Variants in ANK2 observed in about 807,000 individuals in gnomAD.
The protein encoded by ANK2 is ankyrin-2.
ANK2 carries 83 observed loss-of-function variants against 360.5 expected under a neutral mutation model. The observed-to-expected ratio is 0.23, with a 90% CI of 0.19 to 0.28. The LOEUF (loss-of-function observed/expected upper bound fraction) is 0.28. Ranked by LOEUF, ANK2 falls within the 10% of genes least tolerant of loss-of-function variation. ANK2 has a pLI of 1.00. For missense variants in ANK2, 4,201 were observed against 4,795.7 expected (o/e 0.88, Z 3.66); for synonymous variants, 1,740 against 1,759.5 (o/e 0.99, Z 0.28).
intron 4 of ANK2, among the ~76,000 whole-genome samples, chr4:113,208,021 G>A (rs923075634): frequency 6.6e-6 from 1 of 152,176 alleles, no homozygotes; most frequent in Non-Finnish European, 1.5e-5. Context: ...ACATCCAGGG[G>A]AAATGCAGTG....
chr4:112,792,793 T>C, the ANK2 span, among the ~76,000 whole-genome samples: 1 of 152,162 alleles, frequency 6.6e-6, no homozygotes, highest in Non-Finnish European at 1.5e-5. Context: ...TGGAGAAACA[T>C]AGACCCCAAA....
At chr4:112,898,316 G>A (rs1009664084) in intron 1 of ANK2, among the ~76,000 whole-genome samples, 7 of 151,984 alleles carry the variant, frequency 4.6e-5, no homozygotes, top group Non-Finnish European at 7.4e-5. Context: ...TTATATAGTC[G>A]TGTCTTATTA....
chr4:113,012,855 G>A (rs1451597196), intron 2 of ANK2, among the ~76,000 whole-genome samples: 1 of 152,094 alleles, frequency 6.6e-6, no homozygotes, highest in Non-Finnish European at 1.5e-5. Flanking sequence ...TCATGAGCAT[G>A]CTATTCCATT....
intron 1 of ANK2, among the ~76,000 whole-genome samples, chr4:112,865,031 C>CAAAAAA (rs56149739): frequency 1.9e-4 from 10 of 52,506 alleles, no homozygotes; most frequent in Non-Finnish European, 2.7e-4. Flanking sequence ...GACTCCATCT[C>CAAAAAA]AAAAAAAAAA....
intron 1 of ANK2, chr4:113,151,068 T>G (rs908379414): frequency 5.4e-6 from 7 of 1,285,154 alleles, no homozygotes; most frequent in Non-Finnish European, 7.1e-6. Context: ...TATGGGAATT[T>G]TCCCACTACA....
At chr4:113,204,379 C>G (rs2098912543) in intron 4 of ANK2, among the ~76,000 whole-genome samples, 1 of 151,972 alleles carries the variant, frequency 6.6e-6, no homozygotes, top group Admixed American at 6.6e-5. Context: ...GAAAATATGA[C>G]TTTTTTATAG....
chr4:112,740,580 T>C, the ANK2 span, among the ~76,000 whole-genome samples: 11 of 152,072 alleles, frequency 7.2e-5, no homozygotes, highest in Non-Finnish European at 1.5e-4. Context: ...GGCACACGCC[T>C]GTAATCCCAG....
intron 2 of ANK2, among the ~76,000 whole-genome samples, chr4:112,957,089 A>G (rs1561273450): frequency 1.4e-5 from 2 of 146,704 alleles, no homozygotes; most frequent in Non-Finnish European, 3.0e-5. Flanking sequence ...TCATAGGACA[A>G]TAGTGGAGGG....
chr4:112,751,571 G>T, the ANK2 span, among the ~76,000 whole-genome samples: 1 of 152,000 alleles, frequency 6.6e-6, no homozygotes, highest in Non-Finnish European at 1.5e-5. Context: ...CTGTGGATTG[G>T]ATTAGGCCCT....
chr4:113,317,903 C>A, intron 25 of ANK2, 94 bp downstream of exon 25: 1 of 1,018,046 alleles, frequency 9.8e-7, no homozygotes, highest in Non-Finnish European at 1.5e-6. Flanking sequence ...TTTAATCCCC[C>A]CAAAATCATT....
At chr4:113,341,972 ATAGAT>A in intron 33 of ANK2, 56 bp downstream of exon 33, 1 of 1,331,946 alleles carries the variant, frequency 7.5e-7, no homozygotes, top group Non-Finnish European at 1.1e-6. Context: ...ACCTGCATTA[ATAGAT>A]TACATTTCAA....
At chr4:113,222,850 A>G (rs1038510591) in intron 4 of ANK2, among the ~76,000 whole-genome samples, 1 of 152,202 alleles carries the variant, frequency 6.6e-6, no homozygotes, top group Non-Finnish European at 1.5e-5. Context: ...ATAATTTATA[A>G]TATCCTAACC....
intron 2 of ANK2, among the ~76,000 whole-genome samples, chr4:112,979,280 G>A (rs1202422394): frequency 1.3e-5 from 2 of 152,188 alleles, no homozygotes; most frequent in African/African-American, 2.4e-5. Context: ...TCCAAATGCT[G>A]GTACAGGTGC....
intron 43 of ANK2, among the ~76,000 whole-genome samples, chr4:113,371,391 T>G (rs1188524498): frequency 1.3e-5 from 2 of 152,250 alleles, no homozygotes; most frequent in Non-Finnish European, 2.9e-5. Context: ...ATTCTTGGCT[T>G]GAATGAGTAC....
intron 2 of ANK2, among the ~76,000 whole-genome samples, chr4:112,993,266 A>C (rs2047420911): frequency 6.6e-6 from 1 of 151,998 alleles, no homozygotes. Flanking sequence ...TGGGTGACAG[A>C]GCAAGACCCT....
At chr4:113,136,476 G>A (rs770782677) in intron 1 of ANK2, among the ~76,000 whole-genome samples, 5 of 152,154 alleles carry the variant, frequency 3.3e-5, no homozygotes, top group Non-Finnish European at 5.9e-5. Flanking sequence ...GAGTCCAGGA[G>A]TTTGAGACCA....
intron 1 of ANK2, among the ~76,000 whole-genome samples, chr4:112,828,427 G>A (rs1003086572): frequency 1.3e-5 from 2 of 151,990 alleles, no homozygotes; most frequent in Admixed American, 1.3e-4. Context: ...AAAGAGGGGG[G>A]TTTCACCATC....
chr4:113,293,590 C>A, intron 22 of ANK2, 52 bp downstream of exon 22: 2 of 1,494,268 alleles, frequency 1.3e-6, no homozygotes, highest in Non-Finnish European at 1.9e-6. Context: ...CGTTTTCAAA[C>A]TAAATACATG....
chr4:112,977,083 A>G (rs2041677574), intron 2 of ANK2, among the ~76,000 whole-genome samples: 1 of 152,222 alleles, frequency 6.6e-6, no homozygotes, highest in African/African-American at 2.4e-5. Context: ...TGCCTTTCTA[A>G]AAGAATGGTT....
Sources: allele counts gnomAD v4.1 joint callset (sites outside exome capture counted in the v4.1 genomes callset), GRCh38; gene constraint gnomAD v4.1.1; transcripts MANE v1.5; gene names NCBI Gene and HGNC (gene_info 2026-07-23, HGNC 2026-07-21).